FER1L6: variants seen among roughly 807,000 people sequenced by gnomAD.
FER1L6 encodes the protein fer-1 like family member 6.
Under a neutral mutation model 219.2 loss-of-function variants are expected in FER1L6, and 177 were observed. The ratio of observed to expected loss-of-function variants is 0.81; its 90% confidence interval spans 0.71 to 0.91. The LOEUF (loss-of-function observed/expected upper bound fraction) is 0.91. FER1L6 is among the 40% of genes least tolerant of loss of function. FER1L6 has a pLI of 0.00. For synonymous variants in FER1L6, 768 were observed against 824.3 expected, an observed-to-expected ratio of 0.93 and a Z score of 1.17; for missense variants, 2,153 against 2,259.9, an observed-to-expected ratio of 0.95 and a Z score of 0.96.
intron 1 of FER1L6, among the ~76,000 whole-genome samples, chr8:123,879,103 G>GCCTATTGAATCTT (rs1461672845): frequency 6.6e-6 from 1 of 152,076 alleles, no homozygotes; most frequent in African/African-American, 2.4e-5. Flanking sequence ...GGCCAGACCA[G>GCCTATTGAATCTT]GCTGGAAAAC....
intron 1 of FER1L6, among the ~76,000 whole-genome samples, chr8:123,861,978 C>T (rs1319786831): frequency 1.3e-5 from 1 of 78,834 alleles, no homozygotes; most frequent in African/African-American, 6.4e-5. Flanking sequence ...ATTTCCTTCT[C>T]CTGCCTGATT....
At chr8:123,901,823 A>G (rs981813455) in intron 1 of FER1L6, among the ~76,000 whole-genome samples, 1 of 151,254 alleles carries the variant, frequency 6.6e-6, no homozygotes, top group South Asian at 2.1e-4. Flanking sequence ...GTTTCACACC[A>G]TTCTCCTGCC....
chr8:124,059,350 C>T (rs897531316), intron 22 of FER1L6, among the ~76,000 whole-genome samples: 3 of 152,188 alleles, frequency 2.0e-5, no homozygotes, highest in African/African-American at 7.2e-5. Context: ...TCTATTTCTG[C>T]ACAAAATCTG....
intron 21 of FER1L6, among the ~76,000 whole-genome samples, chr8:124,048,574 C>CT (rs1366730342): frequency 1.3e-5 from 2 of 152,324 alleles, no homozygotes; most frequent in East Asian, 3.8e-4. Context: ...TTTTAATATC[C>CT]TTTTTTGCTA....
chr8:124,008,113 G>A (rs1031025748), intron 13 of FER1L6, among the ~76,000 whole-genome samples: 2 of 152,162 alleles, frequency 1.3e-5, no homozygotes, highest in South Asian at 4.1e-4. Flanking sequence ...TCCCCTCCGA[G>A]TCCCCAAAGT....
intron 37 of FER1L6, among the ~76,000 whole-genome samples, chr8:124,099,342 A>G (rs547312405): frequency 4.4e-3 from 238 of 54,440 alleles, no homozygotes; most frequent in African/African-American, 0.01. Flanking sequence ...ACAATCCTAC[A>G]ACACTGTTTC....
At chr8:124,095,085 G>A (rs374762924) in intron 35 of FER1L6, 47 bp downstream of exon 35, 1 of 1,606,230 alleles carries the variant, frequency 6.2e-7, no homozygotes, top group South Asian at 1.1e-5. Context: ...CTTGTGTACT[G>A]TAGAGTAATG....
At position 124,070,480 on chromosome 8, in the gene FER1L6, A is replaced by T. The variant is rs1407580131; in HGVS notation, c.3848A>T (p.Asp1283Val). The change falls in exon 30 of 41, where the codon GAT (aspartate) becomes GTT (valine). Residue 1283 changes from aspartate (D) to valine (V), a missense_variant. Transcript: ENST00000522917. Reference sequence around the variant, plus strand: ...TTTTCCCTAAAGATATATGACGGTGATCTCGAGAGTGAATTCAACAATTTT... The same window carrying T: ...TTTTCCCTAAAGATATATGACGGTGTTCTCGAGAGTGAATTCAACAATTTT... Reference protein sequence around the residue: ...NLAILQIYDGDLESEFNNFED... With the variant: ...NLAILQIYDGVLESEFNNFED... The T allele has an allele frequency of 6.2e-7, 1 of 1,613,734 alleles. No homozygotes were observed. The highest frequency in any genetic ancestry group is 1.1e-5 in the South Asian group (1 of 91,076).
At chr8:123,936,628 A>G (rs1814019084) in intron 1 of FER1L6, among the ~76,000 whole-genome samples, 1 of 152,176 alleles carries the variant, frequency 6.6e-6, no homozygotes, top group African/African-American at 2.4e-5. Context: ...TGTAGCATTC[A>G]TGCTGTCAAA....
chr8:123,964,502 G>C (rs1222790217), intron 3 of FER1L6, among the ~76,000 whole-genome samples: 1 of 152,132 alleles, frequency 6.6e-6, no homozygotes, highest in Non-Finnish European at 1.5e-5. Flanking sequence ...AAGAAGACAT[G>C]AAATGTGTAC....
intron 31 of FER1L6, among the ~76,000 whole-genome samples, chr8:124,075,037 G>C (rs1177983671): frequency 1.3e-5 from 2 of 152,188 alleles, no homozygotes; most frequent in African/African-American, 4.8e-5. Context: ...GAGTGAATGT[G>C]AAGGCCTAGG....
chr8:124,019,340 A>G (rs1460322803), intron 16 of FER1L6, among the ~76,000 whole-genome samples: 5 of 152,190 alleles, frequency 3.3e-5, no homozygotes, highest in Non-Finnish European at 7.3e-5. Context: ...CTCAAATGTC[A>G]TATTCTCCAG....
At chr8:124,087,478 G>GTGT (rs1821831878) in intron 33 of FER1L6, among the ~76,000 whole-genome samples, 3 of 152,092 alleles carry the variant, frequency 2.0e-5, no homozygotes, top group Middle Eastern at 3.4e-3. Flanking sequence ...TTCCTTCTTT[G>GTGT]TGTTATCTTG....
chr8:124,009,277 CT>C (rs1235178168), intron 13 of FER1L6, among the ~76,000 whole-genome samples: 6 of 151,830 alleles, frequency 4.0e-5, no homozygotes, highest in African/African-American at 1.2e-4. Flanking sequence ...AAATTAAGTA[CT>C]TTTTTTTTGA....
In FER1L6 at chr8:123,908,591, G is replaced by A. The variant is rs184330156; in HGVS notation, c.-7-47401G>A. On this transcript the variant is annotated intron_variant, in intron 1 of 40. Transcript: ENST00000522917. ...TTTAACTGTTGATTGAATTAAATAAGTTTAATTCAACAGGTTTTTTTTGGT... is the reference window on the plus strand; with the variant it reads ...TTTAACTGTTGATTGAATTAAATAAATTTAATTCAACAGGTTTTTTTTGGT... Among the ~76,000 whole-genome samples, 7 of 152,334 alleles carry A rather than the reference G, an allele frequency of 4.6e-5. No homozygotes were observed. In the East Asian group the frequency reaches 1.3e-3, roughly 29 times the overall value.
At chr8:124,110,425 CT>C (rs1822974231) in intron 39 of FER1L6, among the ~76,000 whole-genome samples, 1 of 152,188 alleles carries the variant, frequency 6.6e-6, no homozygotes, top group Non-Finnish European at 1.5e-5. Context: ...CTGTGCCATA[CT>C]TCATTTTCTG....
At chr8:123,935,719 A>G (rs550359320) in intron 1 of FER1L6, among the ~76,000 whole-genome samples, 27 of 152,318 alleles carry the variant, frequency 1.8e-4, no homozygotes, top group South Asian at 6.2e-4. Flanking sequence ...GACAGAAAGC[A>G]TATGGTAATT....
At chr8:123,975,804 G>T in intron 8 of FER1L6, 94 bp from the exon 9 acceptor site, 1 of 974,470 alleles carries the variant, frequency 1.0e-6, no homozygotes, top group Non-Finnish European at 1.5e-6. Context: ...GTCTTATATT[G>T]GGATCTTTCT....
intron 1 of FER1L6, among the ~76,000 whole-genome samples, chr8:123,901,656 T>C (rs539961623): frequency 4.6e-5 from 7 of 152,092 alleles, no homozygotes; most frequent in Non-Finnish European, 1.0e-4. Context: ...AACTTTCCTC[T>C]TAGCACCGCC....
Sources: allele counts gnomAD v4.1 joint callset (sites outside exome capture counted in the v4.1 genomes callset), GRCh38; gene constraint gnomAD v4.1.1; transcripts MANE v1.5; gene names NCBI Gene and HGNC (gene_info 2026-07-23, HGNC 2026-07-21).